Variants in STAT3 observed in about 807,000 individuals in gnomAD.
The protein encoded by STAT3 is DNA-binding protein APRF.
A neutral mutation model predicts 114.3 loss-of-function variants in STAT3; 7 were observed. The observed-to-expected ratio is 0.06, with a 90% CI of 0.03 to 0.11. The LOEUF is 0.11. Ranked by LOEUF, STAT3 falls within the 10% of genes least tolerant of loss-of-function variation. The probability of loss-of-function intolerance (pLI) is 1.00; values close to 1 mark genes in which losing one functional copy is unlikely to be tolerated. For missense variants in STAT3, 364 were observed against 960.9 expected (o/e 0.38, Z 8.21); for synonymous variants, 331 against 354.5 (o/e 0.93, Z 0.74).
intron 1 of STAT3, among the ~76,000 whole-genome samples, chr17:42,365,146 C>T (rs546575448): frequency 2.0e-5 from 3 of 152,218 alleles, no homozygotes; most frequent in African/African-American, 7.2e-5. Context: ...ATAACTGTTC[C>T]AACCAATAGA....
chr17:42,356,793 G>A (rs955435450), intron 1 of STAT3, among the ~76,000 whole-genome samples: 1 of 150,846 alleles, frequency 6.6e-6, no homozygotes, highest in Non-Finnish European at 1.5e-5. Context: ...TGTTATTGTT[G>A]TTGTTGTTGT....
At chr17:42,384,320 TG>T in intron 1 of STAT3, among the ~76,000 whole-genome samples, 1 of 151,790 alleles carries the variant, frequency 6.6e-6, no homozygotes, top group East Asian at 1.9e-4. Context: ...TTAGTAGAGA[TG>T]GGGTTTCACC....
chr17:42,358,372 C>T (rs550847687), intron 1 of STAT3, among the ~76,000 whole-genome samples: 8 of 152,238 alleles, frequency 5.3e-5, no homozygotes, highest in African/African-American at 1.2e-4. Flanking sequence ...CATACCACTG[C>T]GCTCCAGCCT....
intron 21 of STAT3, among the ~76,000 whole-genome samples, chr17:42,320,354 C>G (rs1248001253): frequency 2.0e-5 from 3 of 152,190 alleles, no homozygotes; most frequent in Admixed American, 1.3e-4. Context: ...TGGTAGGTTT[C>G]TGTGTGTGTG....
At chr17:42,373,178 G>A (rs2084253321) in intron 1 of STAT3, among the ~76,000 whole-genome samples, 1 of 152,022 alleles carries the variant, frequency 6.6e-6, no homozygotes, top group South Asian at 2.1e-4. Flanking sequence ...GTGAAACCCT[G>A]TCTCTATCAA....
chr17:42,356,256 A>G (rs1168268390), intron 1 of STAT3, among the ~76,000 whole-genome samples: 1 of 152,186 alleles, frequency 6.6e-6, no homozygotes, highest in Non-Finnish European at 1.5e-5. Context: ...AAAAGAAAAT[A>G]AAAGATAAAA....
At chr17:42,321,817 G>A (rs9909659) in intron 21 of STAT3, among the ~76,000 whole-genome samples, 38,335 of 151,916 alleles carry the variant, frequency 0.25, 5,572 homozygotes, top group African/African-American at 0.39. Context: ...TATGTGTATT[G>A]ATCCCCTCTT....
intron 21 of STAT3, among the ~76,000 whole-genome samples, chr17:42,320,649 G>GAACC (rs1372827820): frequency 2.0e-5 from 3 of 148,504 alleles, no homozygotes; most frequent in Non-Finnish European, 4.4e-5. Flanking sequence ...AGAATTGCTT[G>GAACC]AACCGGGAGG....
intron 1 of STAT3, chr17:42,386,911 C>T (rs564727708): frequency 3.9e-5 from 6 of 152,174 alleles, no homozygotes; most frequent in African/African-American, 1.4e-4. Context: ...CTGTCTGGAA[C>T]ATGTAATAAG....
At chr17:42,349,316 G>A (rs760187055) in intron 1 of STAT3, among the ~76,000 whole-genome samples, 4 of 152,208 alleles carry the variant, frequency 2.6e-5, no homozygotes, top group Non-Finnish European at 5.9e-5. Flanking sequence ...CCACTCCTCA[G>A]AGGTATTGAG....
chr17:42,336,425 C>G (rs1158919412), intron 8 of STAT3, among the ~76,000 whole-genome samples: 1 of 151,962 alleles, frequency 6.6e-6, no homozygotes, highest in East Asian at 1.9e-4. Context: ...AAGTAAGACC[C>G]TGTCTCTATA....
At position 42,329,739 on chromosome 17, in the gene STAT3, G is replaced by A. The variant is rs747115419; in HGVS notation, c.1139+8C>T. ...CGGAACAAAAGGAAGCCTCTAGGCT[G>A]AACTTACCCTCTGAGAGCTGCAACG... On this transcript the variant is annotated splice_region_variant and intron_variant, in intron 12 of 23. Coordinates refer to ENST00000264657, the MANE Select transcript of STAT3 (RefSeq NM_139276.3). 3 of 1,614,210 alleles carry A rather than the reference G, an allele frequency of 1.9e-6. No homozygotes were observed. Among genetic ancestry groups the A allele is most frequent in the East Asian group, 2.2e-5 (1 of 44,890 alleles).
chr17:42,345,875 C>CTTT lies in STAT3; in HGVS notation c.274-221_274-219dup, dbSNP rs370434509. Among the ~76,000 whole-genome samples, 5,478 of 132,898 alleles carry CTTT rather than the reference C, an allele frequency of 0.041. 190 individuals carry two copies. Among genetic ancestry groups the CTTT allele is most frequent in the Non-Finnish European group, 0.064 (3,999 of 62,796 alleles). The allele number at this position is 132,898 out of a possible 152,430, so 87.2% of individuals were successfully genotyped here. A position where few individuals can be genotyped will look rare whatever the true frequency, so the allele number is the denominator to read the frequency against. Reference sequence around the variant, plus strand: ...TAACAGAAGGCACATTAGCCTGAGTCTTTTTTTTTTTTTTTTGAGACTGGC... The same window carrying CTTT: ...TAACAGAAGGCACATTAGCCTGAGTCTTTTTTTTTTTTTTTTTTTGAGACTGGC... On this transcript the variant is annotated intron_variant, in intron 3 of 23. Coordinates refer to ENST00000264657, the MANE Select transcript of STAT3 (RefSeq NM_139276.3).
At chr17:42,368,459 T>C (rs2083923742) in intron 1 of STAT3, among the ~76,000 whole-genome samples, 2 of 152,160 alleles carry the variant, frequency 1.3e-5, no homozygotes, top group South Asian at 2.1e-4. Context: ...GGTTTTTGTT[T>C]TGTTTTGTTT....
At chr17:42,361,713 G>A (rs780227489) in intron 1 of STAT3, among the ~76,000 whole-genome samples, 18 of 152,200 alleles carry the variant, frequency 1.2e-4, no homozygotes, top group Non-Finnish European at 2.1e-4. Flanking sequence ...GCAGTACACT[G>A]TAGAGACTGT....
chr17:42,360,059 CAAAA>C (rs71157617), intron 1 of STAT3, among the ~76,000 whole-genome samples: 1 of 47,486 alleles, frequency 2.1e-5, no homozygotes, highest in Admixed American at 2.9e-4. Context: ...GACTCCGTCT[CAAAA>C]AAAAAAAAAA....
chr17:42,355,694 T>C (rs887503920), intron 1 of STAT3, among the ~76,000 whole-genome samples: 1 of 152,212 alleles, frequency 6.6e-6, no homozygotes, highest in African/African-American at 2.4e-5. Context: ...GGGAACTTAT[T>C]ACCGTAAAGA....
At position 42,333,881 on chromosome 17, in the gene STAT3, G is replaced by A. The variant is rs754005688; in HGVS notation, c.956+10C>T. 39 of 1,614,180 alleles carry A rather than the reference G, an allele frequency of 2.4e-5. 2 individuals are homozygous for A. The South Asian group carries it at 4.3e-4, about 18-fold the overall frequency. The stretch of plus-strand genomic sequence containing the variant: ...TTAGATGAGGGAAAGGGACAAGGAT[G>A]CTAAATTACCTTTTCATTAAGTTTC... On this transcript the variant is annotated intron_variant, in intron 9 of 23. Coordinates refer to ENST00000264657, the MANE Select transcript of STAT3 (RefSeq NM_139276.3). The surrounding 1 kb of genome is among the most constrained non-coding windows in gnomAD (Gnocchi z 5.2).
Position 42,337,617 on chromosome 17 carries a change from C to T in STAT3, c.646-31G>A. The T allele has an allele frequency of 6.2e-7, 1 of 1,614,176 alleles. No homozygotes were observed. Among genetic ancestry groups the T allele is most frequent in the Non-Finnish European group, 8.5e-7 (1 of 1,180,020 alleles). On this transcript the variant is annotated intron_variant, in intron 7 of 23. Transcript: ENST00000264657. The surrounding 1 kb of genome is among the most constrained non-coding windows in gnomAD (Gnocchi z 4.0). Reference sequence around the variant, plus strand: ...TGGAAACCAAAACAAAGTCAGAAAACATTTCCTCAGACTGTCTCTAACCAC... The same window carrying T: ...TGGAAACCAAAACAAAGTCAGAAAATATTTCCTCAGACTGTCTCTAACCAC...
Sources: gnomAD v4.1 joint callset for allele counts (sites outside exome capture counted in the v4.1 genomes callset) on GRCh38, gnomAD v4.1.1 for gene constraint, Gnocchi (gnomAD v3.1) non-coding constraint, MANE v1.5 for transcripts, NCBI Gene and HGNC (gene_info 2026-07-23, HGNC 2026-07-21) for gene names.